ZMYND11: variants seen among roughly 807,000 people sequenced by gnomAD.
The protein encoded by ZMYND11 is zinc finger MYND-type containing 11.
Under a neutral mutation model 84.9 loss-of-function variants are expected in ZMYND11, and 9 were observed. The observed-to-expected ratio is 0.11, with a 90% CI of 0.06 to 0.18. ZMYND11 has a LOEUF of 0.18. Ranked by LOEUF, ZMYND11 falls within the 10% of genes least tolerant of loss-of-function variation. The pLI, the probability that ZMYND11 is intolerant of heterozygous loss-of-function variation, is 1.00. For missense variants in ZMYND11, 409 were observed against 761.0 expected, an observed-to-expected ratio of 0.54 and a Z score of 5.44; for synonymous variants, 250 against 244.1, an observed-to-expected ratio of 1.02 and a Z score of -0.23.
In ZMYND11 at chr10:247,016, T is replaced by C. The variant is rs553184744; in HGVS notation, c.1158+43T>C. On this transcript the variant is annotated intron_variant, in intron 11 of 14. Coordinates refer to ENST00000381604, the MANE Select transcript of ZMYND11 (RefSeq NM_001370100.5). ...AGGAAGTGCCTATTCATTATTACTT[T>C]TAAATGCAGAAATCTTAGTGCACAC... 1.1e-4 allele frequency: 165 copies of C among 1,527,666 alleles called. No individual in the cohort carries two copies. The Middle Eastern group carries it at 1.9e-3, about 18-fold the overall frequency. 94.6% of individuals were successfully genotyped at this position (1,527,666 alleles called of 1,614,324 possible).
intron 1 of ZMYND11, among the ~76,000 whole-genome samples, chr10:167,949 C>G (rs1184056181): frequency 1.3e-5 from 2 of 152,090 alleles, no homozygotes; most frequent in African/African-American, 2.4e-5. Flanking sequence ...TTTTGTAAAA[C>G]TTAAACTCTA....
At chr10:242,000 G>A (rs751112881) in intron 9 of ZMYND11, 21 bp from the exon 10 acceptor site, 4 of 1,613,006 alleles carry the variant, frequency 2.5e-6, no homozygotes, top group South Asian at 1.1e-5. Flanking sequence ...AATATAACAA[G>A]GTAAAACATT....
intron 3 of ZMYND11, among the ~76,000 whole-genome samples, chr10:215,562 T>G (rs1002673294): frequency 3.6e-5 from 5 of 139,112 alleles, no homozygotes; most frequent in African/African-American, 1.1e-4. Flanking sequence ...TTGTTTTTTG[T>G]TTTTTTTTTT....
In ZMYND11 at chr10:220,787, T is replaced by TTA. The variant is rs377212320; in HGVS notation, c.277-396_277-395dup. Among the ~76,000 whole-genome samples the TTA allele has an allele frequency of 6.2e-3, 936 of 151,790 alleles. 10 individuals are homozygous for TTA. Among genetic ancestry groups the TTA allele is most frequent in the African/African-American group, 0.021 (886 of 41,482 alleles). On this transcript the variant is annotated intron_variant, in intron 3 of 14. Transcript: ENST00000381604. ...TGTTCCCACAGTGTGTCAAGGACTG[T>TTA]TATATATATATATGTAAAGCAGAAC... is the stretch of plus-strand genomic sequence containing the variant.
At position 180,108 on chromosome 10, in the gene ZMYND11, C is replaced by T. The variant is rs775262869; in HGVS notation, c.96C>T (p.Ala32=). ...IEIIRNQKQI[A]NIDRITKYMS... The stretch of plus-strand genomic sequence containing the variant: ...TTATACGGAACCAGAAGCAGATTGC[C>T]AACATTGACCGTATTACAAAGTAAG... Residue 32 remains alanine (A), a synonymous_variant, in exon 2 of 15, where the codon GCC becomes GCT. Coordinates refer to ENST00000381604, the MANE Select transcript of ZMYND11 (RefSeq NM_001370100.5). 1 of 1,612,114 alleles carries T rather than the reference C, an allele frequency of 6.2e-7. No individual in the cohort carries two copies. Among genetic ancestry groups the T allele is most frequent in the Non-Finnish European group, 8.5e-7 (1 of 1,178,580 alleles).
At chr10:234,245 A>G (rs564021082) in intron 4 of ZMYND11, among the ~76,000 whole-genome samples, 4 of 152,386 alleles carry the variant, frequency 2.6e-5, no homozygotes, top group East Asian at 3.9e-4. Flanking sequence ...ACTCCTGCAC[A>G]TAATGCAGCG....
At chr10:247,165 C>G (rs1001568276) in intron 11 of ZMYND11, among the ~76,000 whole-genome samples, 192 bp downstream of exon 11, 8 of 152,182 alleles carry the variant, frequency 5.3e-5, no homozygotes, top group African/African-American at 1.7e-4. Flanking sequence ...ATGACCTTGA[C>G]CCTGCCAGTA....
chr10:147,452 GTTTTA>G (rs1469354815), intron 1 of ZMYND11, among the ~76,000 whole-genome samples: 1 of 151,722 alleles, frequency 6.6e-6, no homozygotes, highest in Non-Finnish European at 1.5e-5. Context: ...AAAGTAAACA[GTTTTA>G]TTTTAGCTTT....
intron 2 of ZMYND11, among the ~76,000 whole-genome samples, chr10:189,368 GA>G (rs1939696981): frequency 6.6e-6 from 1 of 152,086 alleles, no homozygotes; most frequent in Non-Finnish European, 1.5e-5. Context: ...TCCTTCACTG[GA>G]ATTATTGGAG....
intron 2 of ZMYND11, among the ~76,000 whole-genome samples, chr10:184,674 AT>A (rs1211101324): frequency 6.6e-6 from 1 of 152,076 alleles, no homozygotes; most frequent in Non-Finnish European, 1.5e-5. Flanking sequence ...TTTCTGGCAC[AT>A]TTCTGACCAT....
chr10:170,664 C>G (rs1464578257), intron 1 of ZMYND11, among the ~76,000 whole-genome samples: 2 of 151,890 alleles, frequency 1.3e-5, no homozygotes, highest in Non-Finnish European at 2.9e-5. Flanking sequence ...CTAGGGAAAC[C>G]ACTACAAATA....
At chr10:242,163 C>T (rs760424369) in intron 10 of ZMYND11, 24 bp downstream of exon 10, 55 of 1,613,172 alleles carry the variant, frequency 3.4e-5, no homozygotes, top group Admixed American at 1.0e-4. Context: ...CCATGTTCAG[C>T]GGTCACAGCT....
At chr10:251,002 G>A (rs904557922) in intron 14 of ZMYND11, among the ~76,000 whole-genome samples, 20 of 152,300 alleles carry the variant, frequency 1.3e-4, no homozygotes, top group African/African-American at 3.1e-4. Context: ...CAGCCTGGGC[G>A]ACAGAGCGAG....
At position 235,523 on chromosome 10, in the gene ZMYND11, G is replaced by T. The variant is rs192117644; in HGVS notation, c.439-1315G>T. ...TCTTGGCCATGCGTCAGTCACCTGA[G>T]GAATAAACAAATGAACAAGCAAATA... is the stretch of plus-strand genomic sequence containing the variant. On this transcript the variant is annotated intron_variant, in intron 4 of 14. Transcript: ENST00000381604. Among the ~76,000 whole-genome samples the T allele has an allele frequency of 2.5e-4, 38 of 152,206 alleles. No individual in the cohort carries two copies. In the East Asian group the frequency reaches 7.0e-3, roughly 28 times the overall value.
In ZMYND11 at chr10:252,476, G is replaced by GC. The variant is rs1564474586; in HGVS notation, c.*9dup. On this transcript the variant is annotated 3_prime_UTR_variant, in exon 15 of 15. Coordinates refer to ENST00000381604, the MANE Select transcript of ZMYND11 (RefSeq NM_001370100.5). The surrounding 1 kb of genome is among the most constrained non-coding windows in gnomAD (Gnocchi z 4.6). ...CCTGCCGCCGGAAAAGATGAAGCTG[G>GC]CCCTTCCCGGAGTCACCCCGATGAT... The GC allele has an allele frequency of 3.1e-6, 5 of 1,608,878 alleles. No individual in the cohort carries two copies. The highest frequency in any genetic ancestry group is 3.4e-6 in the Non-Finnish European group (4 of 1,179,504).
rs140974812 is a variant in ZMYND11 at position 246,584 on chromosome 10, G to A, written c.951-182G>A. Among the ~76,000 whole-genome samples the A allele has an allele frequency of 3.4e-3, 524 of 152,254 alleles. 3 individuals carry two copies. The highest frequency in any genetic ancestry group is 0.012 in the African/African-American group (503 of 41,528). ...TTATTCAAGCCATGACGAAGCCTAA[G>A]TGATTGTGGTTTTCGCAATTAAAAG... On this transcript the variant is annotated intron_variant, in intron 10 of 14. Transcript: ENST00000381604.
chr10:146,318 T>G (rs1838819700), intron 1 of ZMYND11, among the ~76,000 whole-genome samples: 1 of 152,226 alleles, frequency 6.6e-6, no homozygotes, highest in Non-Finnish European at 1.5e-5. Flanking sequence ...GCCTCCAGAT[T>G]AGTTCTTTTG....
chr10:171,964 T>A (rs766051696), intron 1 of ZMYND11, among the ~76,000 whole-genome samples: 15 of 152,234 alleles, frequency 9.9e-5, no homozygotes, highest in Non-Finnish European at 7.3e-5. Flanking sequence ...CAGTTCTGCA[T>A]GCTGGGAAGT....
chr10:163,561 T>G (rs998200811), intron 1 of ZMYND11, among the ~76,000 whole-genome samples: 7 of 152,206 alleles, frequency 4.6e-5, no homozygotes, highest in Non-Finnish European at 1.0e-4. Context: ...CTACTTATAA[T>G]ATCCTATTTA....
Sources: allele counts gnomAD v4.1 joint callset (sites outside exome capture counted in the v4.1 genomes callset), GRCh38; gene constraint gnomAD v4.1.1; non-coding constraint Gnocchi (gnomAD v3.1); transcripts MANE v1.5; gene names NCBI Gene and HGNC (gene_info 2026-07-23, HGNC 2026-07-21).